The following DEPDC5 variants were observed in gnomAD, a reference collection of about 807,000 sequenced individuals.
DEPDC5 encodes the protein GATOR1 complex protein DEPDC5.
In DEPDC5, 73 loss-of-function variants were observed where a neutral mutation model predicts 217.3. The ratio of observed to expected loss-of-function variants is 0.34; its 90% CI spans 0.28 to 0.41. The LOEUF (loss-of-function observed/expected upper bound fraction) is 0.41, where lower values mean the gene tolerates loss of function less well. Ranked by LOEUF, DEPDC5 falls within the 10% of genes least tolerant of loss-of-function variation. The pLI is 1.00. For synonymous variants in DEPDC5, 733 were observed against 756.7 expected (o/e 0.97, Z 0.51); for missense variants, 1,675 against 2,070.1 (o/e 0.81, Z 3.70).
rs182555336 is a variant in DEPDC5 at position 31,844,881 on chromosome 22, A to G, written c.2802-137A>G. The G allele has an allele frequency of 6.3e-5, 56 of 887,492 alleles. 1 individual carries two copies. In the East Asian group the frequency reaches 1.4e-3, roughly 22 times the overall value. The allele number at this position is 887,492 out of a possible 1,614,324, so 55.0% of individuals were successfully genotyped here. Reference sequence around the variant, plus strand: ...CAGAACTTGTATTTTCAACAAAGCCATGAGCTGTAGCATCAAATGAGCACA... The same window carrying G: ...CAGAACTTGTATTTTCAACAAAGCCGTGAGCTGTAGCATCAAATGAGCACA... On this transcript the variant is annotated intron_variant, in intron 29 of 42. Coordinates refer to ENST00000651528, the MANE Select transcript of DEPDC5 (RefSeq NM_001242896.3).
intron 4 of DEPDC5, among the ~76,000 whole-genome samples, chr22:31,761,662 CAAAA>C (rs532267383): frequency 8.2e-5 from 8 of 97,450 alleles, no homozygotes; most frequent in South Asian, 3.4e-4. Flanking sequence ...GACCCTATCT[CAAAA>C]AAAAAAAAAA....
intron 12 of DEPDC5, among the ~76,000 whole-genome samples, chr22:31,794,761 C>T (rs1758521309): frequency 6.6e-6 from 1 of 152,024 alleles, no homozygotes; most frequent in African/African-American, 2.4e-5. Flanking sequence ...TGGTGCGCGC[C>T]TGTAGTTTCA....
intron 38 of DEPDC5, among the ~76,000 whole-genome samples, chr22:31,892,949 C>T (rs1352345532): frequency 1.4e-5 from 2 of 148,034 alleles, no homozygotes; most frequent in Non-Finnish European, 3.0e-5. Flanking sequence ...GATCTCGGCT[C>T]ACTGCAACCT....
At chr22:31,786,748 G>A (rs994488565) in intron 10 of DEPDC5, among the ~76,000 whole-genome samples, 1 of 152,020 alleles carries the variant, frequency 6.6e-6, no homozygotes, top group Non-Finnish European at 1.5e-5. Flanking sequence ...GGGACTATAG[G>A]CATTTGCCAA....
chr22:31,775,236 A>C (rs985844784), intron 7 of DEPDC5, among the ~76,000 whole-genome samples: 1 of 151,440 alleles, frequency 6.6e-6, no homozygotes, highest in Admixed American at 6.6e-5. Flanking sequence ...CTGGAGTGCA[A>C]TGGTGCGATC....
chr22:31,804,035 A>C, intron 15 of DEPDC5, 127 bp from the exon 16 acceptor site: 1 of 813,444 alleles, frequency 1.2e-6, no homozygotes, highest in Non-Finnish European at 2.0e-6. Flanking sequence ...CAGCACTATG[A>C]GGTTATAAAT....
Position 31,874,384 on chromosome 22 carries a change from G to A in DEPDC5, c.3675G>A (p.Ala1225=), listed in dbSNP as rs751044834. 11 of 1,612,234 alleles carry A rather than the reference G, an allele frequency of 6.8e-6. No homozygotes were observed. Among genetic ancestry groups the A allele is most frequent in the African/African-American group, 2.7e-5 (2 of 74,884 alleles). Residue 1225 remains alanine (A), a synonymous_variant, in exon 36 of 43, where the codon GCG becomes GCA. Transcript: ENST00000651528. ...ACGTGGAGGGGATCCAGACACAGGC[G>A]ATGGCCATTGACATCATGCAGGTGA... The part of the protein sequence containing the change: ...VNHVEGIQTQ[A]MAIDIMQKML...
chr22:31,855,301 A>G (rs544866228), intron 31 of DEPDC5, among the ~76,000 whole-genome samples: 2 of 151,960 alleles, frequency 1.3e-5, no homozygotes, highest in East Asian at 1.9e-4. Context: ...AATATTTGAC[A>G]TTAGAAAAAT....
chr22:31,843,240 A>T lies in DEPDC5; in HGVS notation c.2633+28A>T, dbSNP rs778093482. ...GAGTATTTGGATATTTAAAGTCTTC[A>T]GTTATTGTCCTGAATTATGGCCACA... On this transcript the variant is annotated intron_variant, in intron 28 of 42. Coordinates refer to ENST00000651528, the MANE Select transcript of DEPDC5 (RefSeq NM_001242896.3). 9 of 1,603,578 alleles carry T rather than the reference A, an allele frequency of 5.6e-6. No individual in the cohort carries two copies. In the African/African-American group the frequency reaches 1.2e-4, roughly 21 times the overall value.
intron 10 of DEPDC5, among the ~76,000 whole-genome samples, chr22:31,788,785 A>G (rs2085308002): frequency 6.6e-6 from 1 of 152,004 alleles, no homozygotes; most frequent in African/African-American, 2.4e-5. Flanking sequence ...CATGTTGGCC[A>G]GGGTGGTCTC....
At chr22:31,874,090 G>T (rs1295303133) in intron 35 of DEPDC5, 183 bp from the exon 36 acceptor site, 1 of 959,150 alleles carries the variant, frequency 1.0e-6, no homozygotes, top group African/African-American at 1.7e-5. Flanking sequence ...ACCACGCTGG[G>T]CCCCCGGTAA....
chr22:31,797,211 C>T (rs1486450176), intron 12 of DEPDC5, among the ~76,000 whole-genome samples: 4 of 152,038 alleles, frequency 2.6e-5, no homozygotes, highest in African/African-American at 7.2e-5. Flanking sequence ...AGTCCATTTT[C>T]TCACTGCTGT....
intron 33 of DEPDC5, among the ~76,000 whole-genome samples, chr22:31,866,505 C>G (rs1310063438): frequency 6.6e-6 from 1 of 152,164 alleles, no homozygotes; most frequent in Non-Finnish European, 1.5e-5. Context: ...CCTGCCTCAG[C>G]CTCCCAAGTA....
chr22:31,860,928 C>T (rs1462087825), intron 32 of DEPDC5, among the ~76,000 whole-genome samples: 11 of 152,170 alleles, frequency 7.2e-5, no homozygotes, highest in Non-Finnish European at 2.9e-5. Flanking sequence ...CCTTACCCTG[C>T]AGCCCCACCA....
intron 35 of DEPDC5, chr22:31,873,906 C>T (rs1308301241): frequency 3.9e-6 from 1 of 256,362 alleles, no homozygotes; most frequent in Non-Finnish European, 7.5e-6. Flanking sequence ...GATTCTCCCA[C>T]CTCAGCTTCC....
chr22:31,900,523 G>T (rs1294957276), intron 40 of DEPDC5, among the ~76,000 whole-genome samples: 1 of 151,818 alleles, frequency 6.6e-6, no homozygotes, highest in Non-Finnish European at 1.5e-5. Flanking sequence ...CAGATCACCT[G>T]AGGTCAGCAG....
intron 40 of DEPDC5, among the ~76,000 whole-genome samples, chr22:31,901,236 C>G (rs2093643259): frequency 6.8e-6 from 1 of 147,400 alleles, no homozygotes; most frequent in African/African-American, 2.5e-5. Context: ...AAGCAAGACT[C>G]TCCCTCAAAA....
At chr22:31,803,266 A>G (rs779363948) in intron 15 of DEPDC5, among the ~76,000 whole-genome samples, 2 of 151,420 alleles carry the variant, frequency 1.3e-5, no homozygotes, top group Non-Finnish European at 2.9e-5. Context: ...GCTGGAGTGC[A>G]GTGGTGTGAT....
chr22:31,899,436 T>A (rs1378048978), intron 40 of DEPDC5, among the ~76,000 whole-genome samples: 2 of 152,180 alleles, frequency 1.3e-5, no homozygotes, highest in Admixed American at 6.5e-5. Flanking sequence ...TCACCCAGGC[T>A]GGAGTGCAGT....
Sources: allele counts gnomAD v4.1 joint callset (sites outside exome capture counted in the v4.1 genomes callset), GRCh38; gene constraint gnomAD v4.1.1; transcripts MANE v1.5; gene names NCBI Gene and HGNC (gene_info 2026-07-23, HGNC 2026-07-21).